The following RAB33B variants were observed in gnomAD, a reference collection of about 807,000 sequenced individuals.
RAB33B encodes the protein RAB33B, member RAS oncogene family.
Under a neutral mutation model 15.0 loss-of-function variants are expected in RAB33B, and 6 were observed. The observed-to-expected ratio is 0.40, with a 90% CI of 0.22 to 0.79. The LOEUF (loss-of-function observed/expected upper bound fraction) is 0.79. Among genes scored for constraint, RAB33B ranks in the 30% least tolerant of loss-of-function variants. The pLI, the probability that RAB33B is intolerant of heterozygous loss-of-function variation, is 0.37. For synonymous variants in RAB33B, 117 were observed against 108.3 expected (o/e 1.08, Z -0.50); for missense variants, 257 against 296.4 (o/e 0.87, Z 0.98).
At chr4:139,447,666 T>TTTTC in the RAB33B span, among the ~76,000 whole-genome samples, 1 of 133,706 alleles carries the variant, frequency 7.5e-6, no homozygotes, top group African/African-American at 2.9e-5. Flanking sequence ...TACTTTTTTT[T>TTTTC]TTTTTTTTTT....
the RAB33B span, among the ~76,000 whole-genome samples, chr4:139,440,786 A>G: frequency 6.6e-6 from 1 of 151,582 alleles, no homozygotes; most frequent in South Asian, 2.1e-4. Context: ...CTAATTTTAT[A>G]TTTTTCGTAG....
chr4:139,463,181 C>A (rs1021111107), intron 1 of RAB33B, among the ~76,000 whole-genome samples: 1 of 152,128 alleles, frequency 6.6e-6, no homozygotes, highest in Non-Finnish European at 1.5e-5. Context: ...ATAATAATTT[C>A]TTTTTGAGAT....
upstream of RAB33B, chr4:139,452,836 A>C (rs1204542192): frequency 3.3e-5 from 5 of 152,336 alleles, no homozygotes; most frequent in Admixed American, 2.0e-4. Context: ...TTAGTGCTCT[A>C]CTGTCCCCCT....
At chr4:139,461,051 G>T (rs2111074936) in intron 1 of RAB33B, among the ~76,000 whole-genome samples, 1 of 152,270 alleles carries the variant, frequency 6.6e-6, no homozygotes, top group South Asian at 2.1e-4. Context: ...GACTGTGTGA[G>T]GACTCTAAGC....
intron 1 of RAB33B, 93 bp downstream of exon 1, chr4:139,454,537 C>A: frequency 7.2e-7 from 1 of 1,392,426 alleles, no homozygotes; most frequent in Non-Finnish European, 9.6e-7. Context: ...GGTGTGTGTG[C>A]GCTCCATTTT....
intron 1 of RAB33B, among the ~76,000 whole-genome samples, chr4:139,466,961 CTT>C (rs35504904): frequency 2.4e-3 from 165 of 68,508 alleles, no homozygotes; most frequent in African/African-American, 4.3e-3. Context: ...GAAGCACAAA[CTT>C]TTTTTTTTTT....
chr4:139,454,913 G>A (rs1395863341), intron 1 of RAB33B, among the ~76,000 whole-genome samples: 2 of 152,182 alleles, frequency 1.3e-5, no homozygotes, highest in African/African-American at 4.8e-5. Flanking sequence ...TGGAAGTAAA[G>A]CCTATTGCCT....
At chr4:139,468,975 C>T (rs1750343085) in intron 1 of RAB33B, among the ~76,000 whole-genome samples, 1 of 152,120 alleles carries the variant, frequency 6.6e-6, no homozygotes, top group African/African-American at 2.4e-5. Flanking sequence ...TCTTTTGCTG[C>T]TTTTAGGATC....
intron 1 of RAB33B, among the ~76,000 whole-genome samples, chr4:139,464,058 A>G (rs1750224655): frequency 6.6e-6 from 1 of 152,006 alleles, no homozygotes. Flanking sequence ...GGATCACTTG[A>G]CCCCAGGAGT....
At chr4:139,472,011 A>G (rs941056362) in intron 1 of RAB33B, among the ~76,000 whole-genome samples, 50 of 152,214 alleles carry the variant, frequency 3.3e-4, no homozygotes, top group Admixed American at 2.4e-3. Flanking sequence ...TCAGTTGACC[A>G]TAGATATATG....
intron 1 of RAB33B, among the ~76,000 whole-genome samples, chr4:139,457,313 G>A (rs983831517): frequency 6.6e-6 from 1 of 152,212 alleles, no homozygotes; most frequent in African/African-American, 2.4e-5. Flanking sequence ...AAATACATTC[G>A]GCTTTTAAAT....
chr4:139,470,967 G>T (rs1470902301), intron 1 of RAB33B, among the ~76,000 whole-genome samples: 1 of 152,148 alleles, frequency 6.6e-6, no homozygotes, highest in African/African-American at 2.4e-5. Context: ...CAAATGGAGG[G>T]AAGTGGTCTT....
Position 139,474,541 on chromosome 4 carries a change from CTA to C in RAB33B, c.*1417_*1418del, listed in dbSNP as rs1233529735. On this transcript the variant is annotated 3_prime_UTR_variant, in exon 2 of 2. Coordinates refer to ENST00000305626, the MANE Select transcript of RAB33B (RefSeq NM_031296.3). ...AGGTGTGAAGGCACAACTCTAATTG[CTA>C]TTAGTCTACATGTATTTCTGTAATA... 1 of 152,494 alleles carries C rather than the reference CTA, an allele frequency of 6.6e-6. No individual in the cohort carries two copies. Among genetic ancestry groups the C allele is most frequent in the Non-Finnish European group, 1.5e-5 (1 of 68,020 alleles). 9.4% of individuals were successfully genotyped at this position (152,494 alleles called of 1,614,324 possible).
chr4:139,474,501 T>A lies in RAB33B; in HGVS notation c.*1375T>A, dbSNP rs1010464569. On this transcript the variant is annotated 3_prime_UTR_variant, in exon 2 of 2. Transcript: ENST00000305626. ...CTAAATGCCAAGTTAACAAATCAAC[T>A]TCCATTTGGATTGTAGGTGTGAAGG... 2.6e-5 allele frequency: 4 copies of A among 152,500 alleles called. No individual in the cohort carries two copies. The highest frequency in any genetic ancestry group is 1.3e-4 in the Admixed American group (2 of 15,284). The allele number at this position is 152,500 out of a possible 1,614,324, so 9.4% of individuals were successfully genotyped here. A position where few individuals can be genotyped will look rare whatever the true frequency, so the allele number is the denominator to read the frequency against.
At chr4:139,460,986 G>A (rs1024509830) in intron 1 of RAB33B, among the ~76,000 whole-genome samples, 2 of 152,244 alleles carry the variant, frequency 1.3e-5, no homozygotes, top group African/African-American at 4.8e-5. Flanking sequence ...CAGAGGTGGT[G>A]AGAAGAGAAT....
At position 139,473,284 on chromosome 4, in the gene RAB33B, T is replaced by C. The variant is rs1464351689; in HGVS notation, c.*158T>C. ...TTTGTATTTTGTATCTACTTAAGTT[T>C]GTCACTGTGACAACACAGGAAAAGT... On this transcript the variant is annotated 3_prime_UTR_variant, in exon 2 of 2. Transcript: ENST00000305626. The C allele has an allele frequency of 7.1e-6, 5 of 700,028 alleles. No individual in the cohort carries two copies. In the African/African-American group the frequency reaches 7.2e-5, roughly 10 times the overall value. The allele number at this position is 700,028 out of a possible 1,614,324, so 43.4% of individuals were successfully genotyped here. A position where few individuals can be genotyped will look rare whatever the true frequency, so the allele number is the denominator to read the frequency against.
the RAB33B span, among the ~76,000 whole-genome samples, chr4:139,445,512 G>C: frequency 6.6e-6 from 1 of 152,222 alleles, no homozygotes; most frequent in Non-Finnish European, 1.5e-5. Context: ...GTCCAGTAGT[G>C]TGGGTCCTGT....
rs1350898847 is a variant in RAB33B, at chr4:139,473,059, G to A, written c.623G>A (p.Ser208Asn). Reference sequence around the variant, plus strand: ...AAGAGCCACAAACCATTAATGCTTAGTCAGCCCCCTGATAATGGAATTATC... The same window carrying A: ...AAGAGCCACAAACCATTAATGCTTAATCAGCCCCCTGATAATGGAATTATC... The part of the protein sequence containing the change: ...KLKSHKPLML[S>N]QPPDNGIILK... The change falls in exon 2 of 2, where the codon AGT becomes AAT. Residue 208 changes from serine to asparagine, a missense_variant. Transcript: ENST00000305626. The A allele has an allele frequency of 6.2e-7, 1 of 1,614,004 alleles. No homozygotes were observed. The highest frequency in any genetic ancestry group is 8.5e-7 in the Non-Finnish European group (1 of 1,179,976).
At chr4:139,444,706 G>A in the RAB33B span, among the ~76,000 whole-genome samples, 1 of 152,100 alleles carries the variant, frequency 6.6e-6, no homozygotes. Flanking sequence ...TTTAGCTCAG[G>A]TCCAACTGAC....
Sources: gnomAD v4.1 joint callset for allele counts (sites outside exome capture counted in the v4.1 genomes callset) on GRCh38, gnomAD v4.1.1 for gene constraint, MANE v1.5 for transcripts, NCBI Gene and HGNC (gene_info 2026-07-23, HGNC 2026-07-21) for gene names.